Variants in BACH2 observed in about 807,000 individuals in gnomAD.
The protein encoded by BACH2 is transcription regulator protein BACH2.
BACH2 carries 5 observed loss-of-function variants against 61.8 expected under a neutral mutation model. The ratio of observed to expected loss-of-function variants is 0.08; its 90% CI spans 0.04 to 0.17. The LOEUF (loss-of-function observed/expected upper bound fraction) is 0.17, where lower values mean the gene tolerates loss of function less well. Among genes scored for constraint, BACH2 ranks in the 10% least tolerant of loss-of-function variants. The probability of loss-of-function intolerance (pLI) is 1.00; values close to 1 mark genes in which losing one functional copy is unlikely to be tolerated. For synonymous variants in BACH2, 446 were observed against 440.1 expected, an observed-to-expected ratio of 1.01 and a Z score of -0.17; for missense variants, 824 against 1,091.1, an observed-to-expected ratio of 0.76 and a Z score of 3.45.
At chr6:90,247,786 G>C (rs1770684682) in intron 3 of BACH2, among the ~76,000 whole-genome samples, 1 of 152,092 alleles carries the variant, frequency 6.6e-6, no homozygotes, top group African/African-American at 2.4e-5. Flanking sequence ...CCCATGCCTA[G>C]AATTTCCTCC....
chr6:90,122,172 C>T (rs1244925092), intron 4 of BACH2, among the ~76,000 whole-genome samples: 1 of 152,236 alleles, frequency 6.6e-6, no homozygotes, highest in Non-Finnish European at 1.5e-5. Context: ...AATGCACATC[C>T]TCTCTGCCCT....
At chr6:90,144,135 G>A (rs1028724054) in intron 4 of BACH2, among the ~76,000 whole-genome samples, 5 of 152,110 alleles carry the variant, frequency 3.3e-5, no homozygotes, top group Non-Finnish European at 7.3e-5. Flanking sequence ...ACTCTAAATA[G>A]GAATATAGAG....
chr6:90,072,019 G>A (rs1781252962), intron 5 of BACH2, among the ~76,000 whole-genome samples: 1 of 152,030 alleles, frequency 6.6e-6, no homozygotes, highest in Admixed American at 6.6e-5. Flanking sequence ...TGGAGGAGGT[G>A]GAAGGGAGGC....
intron 3 of BACH2, among the ~76,000 whole-genome samples, chr6:90,220,316 C>T (rs1049586336): frequency 1.3e-5 from 2 of 151,990 alleles, no homozygotes; most frequent in Non-Finnish European, 2.9e-5. Context: ...CCCATTTTAC[C>T]GAATTAGGAA....
At chr6:90,230,379 G>A (rs1770055961) in intron 3 of BACH2, among the ~76,000 whole-genome samples, 1 of 152,144 alleles carries the variant, frequency 6.6e-6, no homozygotes, top group Non-Finnish European at 1.5e-5. Flanking sequence ...ATGTGTACAT[G>A]TGAATATGTC....
intron 4 of BACH2, among the ~76,000 whole-genome samples, chr6:90,170,312 G>C (rs1296853421): frequency 6.6e-6 from 1 of 152,062 alleles, no homozygotes; most frequent in Admixed American, 6.6e-5. Context: ...TCCTTTACCT[G>C]CCCCAGGGTT....
chr6:90,242,718 A>T (rs1186494481), intron 3 of BACH2, among the ~76,000 whole-genome samples: 3 of 152,200 alleles, frequency 2.0e-5, no homozygotes, highest in African/African-American at 7.2e-5. Context: ...TCCATCTACC[A>T]AAGTGTAACT....
chr6:90,059,871 A>G lies in BACH2; in HGVS notation c.-13+29090T>C, dbSNP rs150559928. On this transcript the variant is annotated intron_variant, in intron 5 of 8. Coordinates refer to ENST00000257749, the MANE Select transcript of BACH2 (RefSeq NM_021813.4). ...ACCATTATTCTCAGCAAACTATCAC[A>G]AGGACAAAAAACCAAACACCGCATG... 3.5e-3 allele frequency among the ~76,000 whole-genome samples: 536 copies of G among 151,362 alleles called. 9 individuals are homozygous for G. Among genetic ancestry groups the G allele is most frequent in the African/African-American group, 0.011 (442 of 41,212 alleles).
chr6:90,054,723 C>A (rs762461794), intron 5 of BACH2, among the ~76,000 whole-genome samples: 1 of 152,194 alleles, frequency 6.6e-6, no homozygotes, highest in Non-Finnish European at 1.5e-5. Flanking sequence ...AGGCACCCCC[C>A]AGTAGAGGCG....
chr6:90,292,451 G>A (rs1451616687), intron 1 of BACH2, among the ~76,000 whole-genome samples: 1 of 152,112 alleles, frequency 6.6e-6, no homozygotes, highest in African/African-American at 2.4e-5. Flanking sequence ...CTAAATAGAG[G>A]GCAGGTGGTT....
At chr6:90,048,022 C>G (rs1319256753) in intron 5 of BACH2, among the ~76,000 whole-genome samples, 1 of 152,184 alleles carries the variant, frequency 6.6e-6, no homozygotes, top group African/African-American at 2.4e-5. Context: ...CATTCTATTG[C>G]TGACTTGTGA....
At chr6:90,267,941 G>A (rs1430694883) in intron 2 of BACH2, among the ~76,000 whole-genome samples, 2 of 150,868 alleles carry the variant, frequency 1.3e-5, no homozygotes, top group Admixed American at 6.6e-5. Context: ...TTTATGCATT[G>A]TCCTACAATT....
At chr6:90,243,137 G>A (rs546315334) in intron 3 of BACH2, among the ~76,000 whole-genome samples, 32 of 137,984 alleles carry the variant, frequency 2.3e-4, no homozygotes, top group Non-Finnish European at 1.7e-4. Context: ...CAGGTGCTCC[G>A]CCCGCCTCAG....
At position 89,950,661 on chromosome 6, in the gene BACH2, T is replaced by G; in HGVS notation, c.1445A>C (p.His482Pro). The G allele has an allele frequency of 6.2e-7, 1 of 1,614,066 alleles. No individual in the cohort carries two copies. Among genetic ancestry groups the G allele is most frequent in the Non-Finnish European group, 8.5e-7 (1 of 1,180,000 alleles). The change falls in exon 7 of 9, where the codon CAC becomes CCC. Residue 482 changes from histidine (H) to proline (P), a missense_variant. His to Pro is a moderately conservative substitution (Grantham distance 77). Transcript: ENST00000257749. This position sits in a 1 kb window ranked among gnomAD's most constrained non-coding sequence, Gnocchi z 5.3. ...CAAGTGGTCGGCCATCAGCCCACCG[T>G]GGGAGTAGGCCTGCGAGCTGGGGAG... ...QSLPSSQAYSHGGLMADHLPG... is the reference protein window; with the variant it reads ...QSLPSSQAYSPGGLMADHLPG...
At chr6:90,239,102 C>G (rs1035622562) in intron 3 of BACH2, among the ~76,000 whole-genome samples, 1 of 152,174 alleles carries the variant, frequency 6.6e-6, no homozygotes, top group African/African-American at 2.4e-5. Context: ...AGGGTGTTTG[C>G]CAATCAATGC....
intron 5 of BACH2, among the ~76,000 whole-genome samples, chr6:90,070,795 A>G (rs1448396966): frequency 6.6e-6 from 1 of 152,228 alleles, no homozygotes; most frequent in African/African-American, 2.4e-5. Flanking sequence ...TTTTGCTAGA[A>G]TAACAAATGT....
chr6:90,070,739 T>G (rs537887030), intron 5 of BACH2, among the ~76,000 whole-genome samples: 1 of 152,330 alleles, frequency 6.6e-6, no homozygotes, highest in Admixed American at 6.5e-5. Flanking sequence ...AGAAAATTCT[T>G]GTTTTGAGCC....
intron 4 of BACH2, chr6:90,104,528 G>A (rs903748442): frequency 6.6e-6 from 1 of 152,208 alleles, no homozygotes; most frequent in African/African-American, 2.4e-5. Flanking sequence ...CCTAGACCCA[G>A]GCAAGGAAGG....
At chr6:90,019,979 A>C (rs754643913) in intron 5 of BACH2, among the ~76,000 whole-genome samples, 31 of 152,262 alleles carry the variant, frequency 2.0e-4, no homozygotes, top group Non-Finnish European at 3.8e-4. Context: ...TTTGGAAAAC[A>C]CTGAAAAAGT....
Sources: gnomAD v4.1 joint callset for allele counts (sites outside exome capture counted in the v4.1 genomes callset) on GRCh38, gnomAD v4.1.1 for gene constraint, Gnocchi (gnomAD v3.1) non-coding constraint, MANE v1.5 for transcripts, NCBI Gene and HGNC (gene_info 2026-07-23, HGNC 2026-07-21) for gene names.